The following ABLIM1 variants were observed in gnomAD, a reference collection of about 807,000 sequenced individuals.
ABLIM1 encodes the protein actin binding LIM protein 1.
ABLIM1 carries 40 observed loss-of-function variants against 107.0 expected under a neutral mutation model. That is an observed-to-expected ratio of 0.37 (90% confidence interval 0.29 to 0.49). ABLIM1 has a LOEUF of 0.49. Among genes scored for constraint, ABLIM1 ranks in the 20% least tolerant of loss-of-function variants. The probability of loss-of-function intolerance (pLI) is 0.97; values close to 1 mark genes in which losing one functional copy is unlikely to be tolerated. For missense variants in ABLIM1, 857 were observed against 1,008.5 expected (o/e 0.85, Z 2.04); for synonymous variants, 357 against 357.3 (o/e 1.00, Z 0.01).
intron 14 of ABLIM1, chr10:114,450,177 C>T: frequency 3.2e-6 from 1 of 308,082 alleles, no homozygotes; most frequent in South Asian, 2.8e-5. Context: ...TAAACATTCA[C>T]ATGTTAATGA....
At chr10:114,613,885 T>G (rs376913940) in intron 1 of ABLIM1, 1 of 185,334 alleles carries the variant, frequency 5.4e-6, no homozygotes, top group African/African-American at 2.4e-5. Context: ...CAAACACATA[T>G]AATCTGTCAC....
intron 17 of ABLIM1, 47 bp from the exon 18 acceptor site, chr10:114,441,833 T>C (rs2060246888): frequency 6.5e-7 from 1 of 1,534,354 alleles, no homozygotes; most frequent in African/African-American, 1.4e-5. Context: ...AATCAGAAGG[T>C]CCAATCCTTT....
At chr10:114,694,597 C>T (rs2081156881) in intron 1 of ABLIM1, among the ~76,000 whole-genome samples, 1 of 151,946 alleles carries the variant, frequency 6.6e-6, no homozygotes, top group Non-Finnish European at 1.5e-5. Flanking sequence ...ATTATGATAC[C>T]TACCTCATGG....
chr10:114,618,677 C>G (rs1183182863), intron 1 of ABLIM1, among the ~76,000 whole-genome samples: 6 of 152,208 alleles, frequency 3.9e-5, no homozygotes, highest in Admixed American at 3.9e-4. Flanking sequence ...AAGGCACAGG[C>G]CCTGTCAACA....
intron 2 of ABLIM1, among the ~76,000 whole-genome samples, chr10:114,593,206 C>G (rs1284281518): frequency 6.6e-6 from 1 of 152,126 alleles, no homozygotes; most frequent in African/African-American, 2.4e-5. Flanking sequence ...TTTGTTCTTC[C>G]TTGATAAAGC....
At chr10:114,579,174 T>A (rs567503175) in intron 2 of ABLIM1, among the ~76,000 whole-genome samples, 1 of 145,298 alleles carries the variant, frequency 6.9e-6, no homozygotes, top group South Asian at 2.2e-4. Flanking sequence ...TCTGCTGTAG[T>A]AAAACAATTT....
chr10:114,645,830 T>C (rs1394002812), intron 1 of ABLIM1, among the ~76,000 whole-genome samples: 1 of 152,050 alleles, frequency 6.6e-6, no homozygotes, highest in Admixed American at 6.5e-5. Flanking sequence ...AAAATGTCCT[T>C]TTGGCCTGTG....
At position 114,436,376 on chromosome 10, in the gene ABLIM1, G is replaced by GGGAA. The variant is rs762869699; in HGVS notation, c.2224-7_2224-4dup. 2 of 1,599,888 alleles carry GGGAA rather than the reference G, an allele frequency of 1.3e-6. No homozygotes were observed. The highest frequency in any genetic ancestry group is 1.7e-6 in the Non-Finnish European group (2 of 1,174,764). ...AACACTTCAGGGGCTAAGTGGCGCTGGGAAGAAGAAAAAAAAAAAAGAGCT... is the reference window on the plus strand; with the variant it reads ...AACACTTCAGGGGCTAAGTGGCGCTGGGAAGGAAGAAGAAAAAAAAAAAAGAGCT... On this transcript the variant is annotated splice_region_variant and splice_polypyrimidine_tract_variant and intron_variant, in intron 22 of 22. Coordinates refer to ENST00000533213, the MANE Select transcript of ABLIM1 (RefSeq NM_002313.7).
intron 2 of ABLIM1, among the ~76,000 whole-genome samples, chr10:114,593,229 G>A (rs11196796): frequency 0.4 from 60,139 of 151,966 alleles, 13,390 homozygotes; most frequent in Non-Finnish European, 0.51. Flanking sequence ...GGTGAACTTC[G>A]GCATGCCTTT....
intron 1 of ABLIM1, among the ~76,000 whole-genome samples, chr10:114,720,329 A>AACATACATG (rs1336803206): frequency 1.3e-5 from 2 of 152,188 alleles, no homozygotes; most frequent in Non-Finnish European, 2.9e-5. Flanking sequence ...TGTTGCTATG[A>AACATACATG]ACATACATGT....
At chr10:114,738,187 T>A (rs2082220148) in intron 1 of ABLIM1, among the ~76,000 whole-genome samples, 1 of 152,176 alleles carries the variant, frequency 6.6e-6, no homozygotes, top group African/African-American at 2.4e-5. Flanking sequence ...TAGCTGGGAC[T>A]ACAGGCACGT....
chr10:114,683,907 A>G (rs2141613370), intron 1 of ABLIM1, among the ~76,000 whole-genome samples: 1 of 152,180 alleles, frequency 6.6e-6, no homozygotes, highest in African/African-American at 2.4e-5. Flanking sequence ...AAAGCATCCT[A>G]GAGATGACAT....
At chr10:114,640,493 C>T (rs1438865458) in intron 1 of ABLIM1, among the ~76,000 whole-genome samples, 1 of 152,176 alleles carries the variant, frequency 6.6e-6, no homozygotes, top group East Asian at 1.9e-4. Context: ...CGCCACTGCA[C>T]TCCAGCCTGG....
intron 1 of ABLIM1, among the ~76,000 whole-genome samples, chr10:114,627,925 C>T (rs979940037): frequency 1.3e-5 from 2 of 152,096 alleles, no homozygotes; most frequent in South Asian, 4.1e-4. Context: ...CAGTTCGAGA[C>T]CAGCCTGGCC....
chr10:114,666,813 G>A (rs936747432), intron 1 of ABLIM1, among the ~76,000 whole-genome samples: 1 of 152,156 alleles, frequency 6.6e-6, no homozygotes, highest in African/African-American at 2.4e-5. Context: ...GCAGTAGATT[G>A]GTCCTGAGAT....
intron 1 of ABLIM1, among the ~76,000 whole-genome samples, chr10:114,673,925 C>G (rs1056501840): frequency 1.3e-5 from 2 of 151,978 alleles, no homozygotes; most frequent in African/African-American, 2.4e-5. Flanking sequence ...GGGCAAAATT[C>G]AGGCAAATGT....
chr10:114,681,786 T>C (rs542143326), intron 1 of ABLIM1, among the ~76,000 whole-genome samples: 21 of 152,342 alleles, frequency 1.4e-4, no homozygotes, highest in African/African-American at 5.1e-4. Context: ...ACTCAGTCTA[T>C]TGCTGACTGT....
intron 2 of ABLIM1, among the ~76,000 whole-genome samples, chr10:114,586,028 G>A (rs1021076527): frequency 1.3e-5 from 2 of 152,128 alleles, no homozygotes; most frequent in African/African-American, 2.4e-5. Flanking sequence ...GCTGGTGTCT[G>A]GACCCTGTGT....
intron 8 of ABLIM1, among the ~76,000 whole-genome samples, chr10:114,483,255 T>C (rs1202465559): frequency 6.6e-6 from 1 of 152,164 alleles, no homozygotes; most frequent in African/African-American, 2.4e-5. Flanking sequence ...GTCTCAGACA[T>C]GCTGCTGTAT....
Sources: allele counts gnomAD v4.1 joint callset (sites outside exome capture counted in the v4.1 genomes callset), GRCh38; gene constraint gnomAD v4.1.1; transcripts MANE v1.5; gene names NCBI Gene and HGNC (gene_info 2026-07-23, HGNC 2026-07-21).